The following COL26A1 variants were observed in gnomAD, a reference collection of about 807,000 sequenced individuals.
The protein encoded by COL26A1 is collagen type XXVI alpha 1 chain.
COL26A1 carries 41 observed loss-of-function variants against 59.3 expected under a neutral mutation model. The ratio of observed to expected loss-of-function variants is 0.69; its 90% CI spans 0.54 to 0.90. The LOEUF is 0.90. COL26A1 is among the 40% of genes least tolerant of loss of function. The pLI, the probability that COL26A1 is intolerant of heterozygous loss-of-function variation, is 0.00. For missense variants in COL26A1, 612 were observed against 602.3 expected (o/e 1.02, Z -0.17); for synonymous variants, 266 against 256.0 (o/e 1.04, Z -0.37).
intron 3 of COL26A1, among the ~76,000 whole-genome samples, chr7:101,457,616 T>C (rs1161689501): frequency 6.6e-6 from 1 of 152,190 alleles, no homozygotes; most frequent in African/African-American, 2.4e-5. Flanking sequence ...TGGAGTCAGC[T>C]ATTTCAGATT....
intron 2 of COL26A1, among the ~76,000 whole-genome samples, chr7:101,429,769 AT>A (rs1054960435): frequency 5.3e-5 from 8 of 150,106 alleles, no homozygotes; most frequent in Non-Finnish European, 8.9e-5. Context: ...ATTAAAAAGA[AT>A]TTTTTTTTGT....
chr7:101,463,697 TTC>T (rs1297254702), intron 3 of COL26A1, among the ~76,000 whole-genome samples: 1 of 114,104 alleles, frequency 8.8e-6, no homozygotes, highest in East Asian at 2.8e-4. Flanking sequence ...TTCTTTCTTT[TTC>T]TCTCTCTTTC....
At chr7:101,375,325 G>C (rs1490814741) in intron 1 of COL26A1, among the ~76,000 whole-genome samples, 1 of 151,596 alleles carries the variant, frequency 6.6e-6, no homozygotes, top group African/African-American at 2.4e-5. Context: ...CATATGAAAG[G>C]ATAAAGGCTT....
At chr7:101,522,447 C>G (rs1795157568) in intron 3 of COL26A1, among the ~76,000 whole-genome samples, 1 of 152,176 alleles carries the variant, frequency 6.6e-6, no homozygotes, top group Non-Finnish European at 1.5e-5. Context: ...GCTGAGAAGT[C>G]TAAGATCAAA....
At chr7:101,521,207 G>A (rs1408915614) in intron 3 of COL26A1, among the ~76,000 whole-genome samples, 1 of 152,120 alleles carries the variant, frequency 6.6e-6, no homozygotes, top group African/African-American at 2.4e-5. Context: ...AAAACAGCAC[G>A]GGGAGACCAC....
At chr7:101,400,315 T>C (rs1483532423) in intron 1 of COL26A1, among the ~76,000 whole-genome samples, 1 of 151,680 alleles carries the variant, frequency 6.6e-6, no homozygotes, top group Non-Finnish European at 1.5e-5. Context: ...CTTTGTCCCT[T>C]CCAGACCTCA....
intron 6 of COL26A1, among the ~76,000 whole-genome samples, chr7:101,544,645 G>A (rs190806165): frequency 6.7e-6 from 1 of 150,020 alleles, no homozygotes; most frequent in East Asian, 2.0e-4. Flanking sequence ...CAACTGTCCT[G>A]CCTCAGCCTA....
chr7:101,501,342 G>A (rs1361882277), intron 3 of COL26A1, among the ~76,000 whole-genome samples: 5 of 152,108 alleles, frequency 3.3e-5, no homozygotes, highest in African/African-American at 4.8e-5. Context: ...TCCCCATGTC[G>A]GCCCCAGGCC....
At chr7:101,431,740 C>G (rs1271757296) in intron 2 of COL26A1, among the ~76,000 whole-genome samples, 1 of 151,862 alleles carries the variant, frequency 6.6e-6, no homozygotes, top group African/African-American at 2.4e-5. Context: ...TTGAGTAACT[C>G]TCAAATGTTG....
chr7:101,485,153 C>CA (rs1326345351), intron 3 of COL26A1, among the ~76,000 whole-genome samples: 1 of 152,158 alleles, frequency 6.6e-6, no homozygotes, highest in African/African-American at 2.4e-5. Context: ...TGCCCGGCCT[C>CA]ACATCATATA....
chr7:101,400,111 C>T (rs1473848081), intron 1 of COL26A1, among the ~76,000 whole-genome samples: 1 of 152,024 alleles, frequency 6.6e-6, no homozygotes, highest in African/African-American at 2.4e-5. Context: ...AGTGAAGGGG[C>T]CACTTGAGCA....
intron 2 of COL26A1, among the ~76,000 whole-genome samples, chr7:101,442,865 G>A (rs1378209690): frequency 2.0e-5 from 3 of 152,218 alleles, no homozygotes; most frequent in Non-Finnish European, 4.4e-5. Flanking sequence ...GTGGAAGTGT[G>A]CACGAGTGTG....
intron 2 of COL26A1, among the ~76,000 whole-genome samples, chr7:101,437,325 C>T (rs1792939046): frequency 6.6e-6 from 1 of 151,818 alleles, no homozygotes; most frequent in African/African-American, 2.4e-5. Flanking sequence ...GGCTGCATGA[C>T]TTGGGCAGAG....
chr7:101,475,071 C>T (rs1417352480), intron 3 of COL26A1, among the ~76,000 whole-genome samples: 1 of 152,114 alleles, frequency 6.6e-6, no homozygotes. Flanking sequence ...TGGTGGGTGC[C>T]TGTATTCCCA....
rs1310357604 is a variant in COL26A1, at chr7:101,463,626, TCTTCCTTCCTTC to T, written c.385+15845_385+15856del. Among the ~76,000 whole-genome samples the T allele has an allele frequency of 2.3e-3, 134 of 57,066 alleles. 1 individual carries two copies. The highest frequency in any genetic ancestry group is 9.8e-3 in the Middle Eastern group (1 of 102). The allele number at this position is 57,066 out of a possible 152,430, so 37.4% of individuals were successfully genotyped here. On this transcript the variant is annotated intron_variant, in intron 3 of 12. Coordinates refer to ENST00000313669, the MANE Select transcript of COL26A1 (RefSeq NM_001278563.3). Reference sequence around the variant, plus strand: ...TTCTTCTTCCCTCCCTCCCTCCCCCTCTTCCTTCCTTCCTTCCATCCTTCCATCCTTCCATCC... The same window carrying T: ...TTCTTCTTCCCTCCCTCCCTCCCCCTCTTCCATCCTTCCATCCTTCCATCC...
At chr7:101,436,573 G>A (rs1584406111) in intron 2 of COL26A1, among the ~76,000 whole-genome samples, 1 of 151,956 alleles carries the variant, frequency 6.6e-6, no homozygotes, top group Non-Finnish European at 1.5e-5. Flanking sequence ...TCCCTGGATG[G>A]TGCAATGTCC....
chr7:101,558,422 T>TA lies in COL26A1; in HGVS notation c.*892_*893insA, dbSNP rs1796033213. 1.3e-5 allele frequency: 2 copies of TA among 152,246 alleles called. No individual in the cohort carries two copies. The highest frequency in any genetic ancestry group is 4.8e-5 in the African/African-American group (2 of 41,450). 9.4% of individuals were successfully genotyped at this position (152,246 alleles called of 1,614,324 possible). A position where few individuals can be genotyped will look rare whatever the true frequency, so the allele number is the denominator to read the frequency against. On this transcript the variant is annotated 3_prime_UTR_variant, in exon 13 of 13. Coordinates refer to ENST00000313669, the MANE Select transcript of COL26A1 (RefSeq NM_001278563.3). ...ATCCCTGAGCCAGGGGAGGCAGCAT[T>TA]TCATGGGCATGTCTATCAGAGGTGG...
chr7:101,558,579 G>C lies in COL26A1; in HGVS notation c.*1049G>C, dbSNP rs1392692498. ...GGAAACAGAGTCCCAGGCCTGCTGG[G>C]AAGAGATGCTCCTGCCTCCCACCTT... On this transcript the variant is annotated 3_prime_UTR_variant, in exon 13 of 13. Coordinates refer to ENST00000313669, the MANE Select transcript of COL26A1 (RefSeq NM_001278563.3). 1.3e-5 allele frequency: 2 copies of C among 152,322 alleles called. No individual in the cohort carries two copies. The highest frequency in any genetic ancestry group is 2.9e-5 in the Non-Finnish European group (2 of 68,128). The allele number at this position is 152,322 out of a possible 1,614,324, so 9.4% of individuals were successfully genotyped here.
At chr7:101,463,297 C>G (rs1793657314) in intron 3 of COL26A1, among the ~76,000 whole-genome samples, 1 of 152,138 alleles carries the variant, frequency 6.6e-6, no homozygotes, top group South Asian at 2.1e-4. Context: ...CCTTATTTCG[C>G]TTAGCATTAT....
Sources: allele counts gnomAD v4.1 joint callset (sites outside exome capture counted in the v4.1 genomes callset), GRCh38; gene constraint gnomAD v4.1.1; transcripts MANE v1.5; gene names NCBI Gene and HGNC (gene_info 2026-07-23, HGNC 2026-07-21).